Variants in CCNY observed in about 807,000 individuals in gnomAD.
The protein encoded by CCNY is cyclin-Y.
CCNY carries 19 observed loss-of-function variants against 42.8 expected under a neutral mutation model. The ratio of observed to expected loss-of-function variants is 0.44; its 90% CI spans 0.31 to 0.65. The LOEUF is 0.65. Among genes scored for constraint, CCNY ranks in the 30% least tolerant of loss-of-function variants. The probability of loss-of-function intolerance (pLI) is 0.07; values close to 1 mark genes in which losing one functional copy is unlikely to be tolerated. For missense variants in CCNY, 370 were observed against 437.3 expected (o/e 0.85, Z 1.37); for synonymous variants, 165 against 162.7 (o/e 1.01, Z -0.11).
At chr10:35,450,809 C>G (rs1365355217) in intron 1 of CCNY, among the ~76,000 whole-genome samples, 2 of 151,556 alleles carry the variant, frequency 1.3e-5, no homozygotes, top group East Asian at 1.9e-4. Flanking sequence ...TTCACTTTCT[C>G]TCTGTCCTCT....
At chr10:35,252,332 G>A (rs1004379649) in intron 3 of CCNY, among the ~76,000 whole-genome samples, 21 of 152,078 alleles carry the variant, frequency 1.4e-4, no homozygotes, top group Non-Finnish European at 1.8e-4. Context: ...TTGGGAGGCC[G>A]AGGTGGGCAG....
intron 2 of CCNY, among the ~76,000 whole-genome samples, chr10:35,248,917 C>T (rs2095709950): frequency 6.6e-6 from 1 of 152,062 alleles, no homozygotes; most frequent in African/African-American, 2.4e-5. Context: ...GAATTTTACA[C>T]TTTTTAAAAG....
intron 8 of CCNY, among the ~76,000 whole-genome samples, chr10:35,553,904 A>G (rs532872127): frequency 2.0e-5 from 3 of 152,330 alleles, no homozygotes; most frequent in African/African-American, 7.2e-5. Context: ...GAATCCAGGA[A>G]CTGAGTTCAG....
At chr10:35,506,447 T>C (rs1042734371) in intron 3 of CCNY, among the ~76,000 whole-genome samples, 4 of 152,236 alleles carry the variant, frequency 2.6e-5, no homozygotes, top group African/African-American at 9.6e-5. Context: ...ATAATGATAA[T>C]GTTACACACA....
chr10:35,553,064 C>A lies in CCNY; in HGVS notation c.625C>A (p.Pro209Thr). The change falls in exon 8 of 10, where the codon CCG (proline) becomes ACG (threonine). Residue 209 changes from proline (P) to threonine (T), a missense_variant. Pro to Thr is a conservative substitution (Grantham distance 38, BLOSUM62 -1). Coordinates refer to ENST00000374704, the MANE Select transcript of CCNY (RefSeq NM_145012.6). ...AACATACGCAGAGATAGATATCTGTCCGGCCAACTGGAAGCGGATTGTTTT... is the reference window on the plus strand; with the variant it reads ...AACATACGCAGAGATAGATATCTGTACGGCCAACTGGAAGCGGATTGTTTT... The part of the protein sequence containing the change: ...LLTYAEIDIC[P>T]ANWKRIVLGA... 6.2e-7 allele frequency: 1 copy of A among 1,614,152 alleles called. No homozygotes were observed. The highest frequency in any genetic ancestry group is 8.5e-7 in the Non-Finnish European group (1 of 1,180,024).
chr10:35,325,905 G>A (rs149062600), intron 3 of CCNY, among the ~76,000 whole-genome samples: 1,675 of 151,622 alleles, frequency 0.011, 42 homozygotes, highest in African/African-American at 0.039. Flanking sequence ...ATAGCAAGAC[G>A]CCATCTCTTA....
intron 3 of CCNY, among the ~76,000 whole-genome samples, chr10:35,255,324 T>C (rs899311651): frequency 7.8e-6 from 1 of 127,850 alleles, no homozygotes; most frequent in Non-Finnish European, 1.6e-5. Flanking sequence ...ATAATTTTTT[T>C]CTTTTTTTTT....
intron 1 of CCNY, among the ~76,000 whole-genome samples, chr10:35,433,530 T>C (rs1035899650): frequency 2.6e-5 from 4 of 152,212 alleles, no homozygotes; most frequent in African/African-American, 9.6e-5. Flanking sequence ...AAATTAGATA[T>C]GTTAGTTATT....
chr10:35,416,191 G>GTA, intron 1 of CCNY, among the ~76,000 whole-genome samples: 1 of 152,018 alleles, frequency 6.6e-6, no homozygotes, highest in Non-Finnish European at 1.5e-5. Flanking sequence ...GTGTGTGTGT[G>GTA]TGTCCTTGTA....
At chr10:35,258,341 A>T (rs1481364112) in intron 3 of CCNY, among the ~76,000 whole-genome samples, 2 of 152,194 alleles carry the variant, frequency 1.3e-5, no homozygotes, top group Non-Finnish European at 2.9e-5. Flanking sequence ...TTCCCTGGGC[A>T]GGTGTGAGTA....
intron 2 of CCNY, among the ~76,000 whole-genome samples, chr10:35,489,081 C>T (rs1839845569): frequency 6.6e-6 from 1 of 152,258 alleles, no homozygotes; most frequent in East Asian, 1.9e-4. Context: ...AGATCGAGAC[C>T]ATCCTGGCTA....
intron 1 of CCNY, among the ~76,000 whole-genome samples, chr10:35,472,383 T>A (rs1451305955): frequency 6.6e-6 from 1 of 152,258 alleles, no homozygotes; most frequent in African/African-American, 2.4e-5. Context: ...CGAGAACTCC[T>A]GGAGAGTCTT....
At chr10:35,349,031 G>A (rs1162684168) in intron 1 of CCNY, among the ~76,000 whole-genome samples, 5 of 152,036 alleles carry the variant, frequency 3.3e-5, no homozygotes, top group Admixed American at 6.6e-5. Flanking sequence ...AACCAAACCA[G>A]GTTGAAAATG....
At chr10:35,253,232 A>G (rs1453227068) in intron 3 of CCNY, among the ~76,000 whole-genome samples, 1 of 152,036 alleles carries the variant, frequency 6.6e-6, no homozygotes, top group Admixed American at 6.6e-5. Context: ...TAAATTTGTT[A>G]AACTAGGCCT....
chr10:35,389,893 T>C (rs765054718), intron 1 of CCNY, among the ~76,000 whole-genome samples: 119 of 151,696 alleles, frequency 7.8e-4, no homozygotes, highest in Middle Eastern at 3.4e-3. Context: ...AAAGGCATCG[T>C]CTGATATTGG....
At chr10:35,429,651 C>T (rs1314641844) in intron 1 of CCNY, among the ~76,000 whole-genome samples, 1 of 152,048 alleles carries the variant, frequency 6.6e-6, no homozygotes, top group Non-Finnish European at 1.5e-5. Flanking sequence ...CTGTAACGTC[C>T]CTAGTTCAGT....
intron 1 of CCNY, among the ~76,000 whole-genome samples, chr10:35,343,361 C>G (rs900146149): frequency 1.3e-5 from 2 of 150,522 alleles, no homozygotes; most frequent in Admixed American, 6.6e-5. Context: ...CCTTCTCACC[C>G]TCCTCTACAA....
intron 1 of CCNY, among the ~76,000 whole-genome samples, chr10:35,348,169 T>C (rs965192651): frequency 2.6e-5 from 4 of 152,256 alleles, no homozygotes; most frequent in African/African-American, 9.6e-5. Flanking sequence ...GATTGTGTTC[T>C]ATATTCTGAA....
intron 3 of CCNY, among the ~76,000 whole-genome samples, chr10:35,292,106 T>G (rs1425113187): frequency 6.6e-6 from 1 of 152,210 alleles, no homozygotes; most frequent in African/African-American, 2.4e-5. Flanking sequence ...TGCATCTCCT[T>G]GACAGCTAAC....
Sources: gnomAD v4.1 joint callset for allele counts (sites outside exome capture counted in the v4.1 genomes callset) on GRCh38, gnomAD v4.1.1 for gene constraint, MANE v1.5 for transcripts, NCBI Gene and HGNC (gene_info 2026-07-23, HGNC 2026-07-21) for gene names.